RGL1: variants seen among roughly 807,000 people sequenced by gnomAD.
RGL1 encodes ral guanine nucleotide dissociation stimulator-like 1.
RGL1 carries 24 observed loss-of-function variants against 95.2 expected under a neutral mutation model. The ratio of observed to expected loss-of-function variants is 0.25; its 90% CI spans 0.18 to 0.35. The LOEUF (loss-of-function observed/expected upper bound fraction) is 0.35. RGL1 is among the 10% of genes least tolerant of loss of function. The pLI is 1.00. For synonymous variants in RGL1, 329 were observed against 344.9 expected (o/e 0.95, Z 0.51); for missense variants, 715 against 936.3 (o/e 0.76, Z 3.08).
At chr1:183,700,805 A>G (rs1654549295) in intron 1 of RGL1, among the ~76,000 whole-genome samples, 1 of 152,018 alleles carries the variant, frequency 6.6e-6, no homozygotes, top group Non-Finnish European at 1.5e-5. Flanking sequence ...CGGCCTTCCA[A>G]AGTGCTGGGA....
intron 12 of RGL1, 78 bp downstream of exon 12, chr1:183,902,678 T>A: frequency 7.0e-7 from 1 of 1,421,956 alleles, no homozygotes; most frequent in Non-Finnish European, 9.7e-7. Context: ...AGTTTTTTTG[T>A]AGAGGCAGAA....
intron 1 of RGL1, among the ~76,000 whole-genome samples, chr1:183,639,687 A>G (rs1649784944): frequency 7.3e-6 from 1 of 136,356 alleles, no homozygotes; most frequent in South Asian, 2.3e-4. Context: ...TTATCAACTA[A>G]AAACCTGTAA....
intron 2 of RGL1, among the ~76,000 whole-genome samples, chr1:183,796,278 C>T (rs1660699324): frequency 6.6e-6 from 1 of 151,540 alleles, no homozygotes; most frequent in Admixed American, 6.6e-5. Context: ...AATTCTCCTG[C>T]CCCAGCTTCC....
chr1:183,827,856 A>G (rs1245120658), intron 2 of RGL1, among the ~76,000 whole-genome samples: 1 of 152,192 alleles, frequency 6.6e-6, no homozygotes, highest in African/African-American at 2.4e-5. Flanking sequence ...AAGTGTCCCC[A>G]CTTTAATTAG....
intron 3 of RGL1, among the ~76,000 whole-genome samples, chr1:183,850,999 T>C (rs1664793754): frequency 1.3e-5 from 2 of 152,222 alleles, no homozygotes; most frequent in Admixed American, 6.5e-5. Flanking sequence ...CTGGAGTGTT[T>C]AGTCTATGAC....
chr1:183,842,850 C>T (rs1192489420), intron 2 of RGL1, among the ~76,000 whole-genome samples: 1 of 152,170 alleles, frequency 6.6e-6, no homozygotes, highest in East Asian at 1.9e-4. Flanking sequence ...AAAACAGGTC[C>T]TAAAGTCTCT....
chr1:183,913,917 A>G (rs1668810207), intron 15 of RGL1, among the ~76,000 whole-genome samples: 1 of 152,224 alleles, frequency 6.6e-6, no homozygotes, highest in Non-Finnish European at 1.5e-5. Context: ...TGCTCTAAAT[A>G]TTGAAAGAAA....
chr1:183,926,360 G>A lies in RGL1; in HGVS notation c.*68G>A, dbSNP rs1669617023. The A allele has an allele frequency of 3.7e-6, 5 of 1,339,686 alleles. No individual in the cohort carries two copies. Among genetic ancestry groups the A allele is most frequent in the Non-Finnish European group, 4.1e-6 (4 of 974,452 alleles). The allele number at this position is 1,339,686 out of a possible 1,614,324, so 83.0% of individuals were successfully genotyped here. A position where few individuals can be genotyped will look rare whatever the true frequency, so the allele number is the denominator to read the frequency against. On this transcript the variant is annotated 3_prime_UTR_variant, in exon 18 of 18. Transcript: ENST00000360851. ...GGCTGAGAAACAGGCTGCGGTGATT[G>A]CAATTACCATCCGGTGTTCGAGGAT...
chr1:183,835,168 G>C (rs1313757721), intron 2 of RGL1, among the ~76,000 whole-genome samples: 1 of 151,000 alleles, frequency 6.6e-6, no homozygotes, highest in East Asian at 1.9e-4. Flanking sequence ...TGTTCATTTG[G>C]ACAAATTGGA....
chr1:183,687,288 C>T (rs965037303), intron 1 of RGL1, among the ~76,000 whole-genome samples: 8 of 152,178 alleles, frequency 5.3e-5, no homozygotes, highest in African/African-American at 1.9e-4. Flanking sequence ...TCCCCAAGAC[C>T]TAGAACACTG....
At chr1:183,703,318 C>T (rs1488076131) in intron 1 of RGL1, among the ~76,000 whole-genome samples, 1 of 152,206 alleles carries the variant, frequency 6.6e-6, no homozygotes, top group East Asian at 1.9e-4. Context: ...TGGTATTCAT[C>T]ATGTCGTTGC....
At chr1:183,675,656 G>C (rs939252286) in intron 1 of RGL1, among the ~76,000 whole-genome samples, 1 of 152,114 alleles carries the variant, frequency 6.6e-6, no homozygotes, top group Non-Finnish European at 1.5e-5. Flanking sequence ...GTGTCCTGCA[G>C]TATCCCTTAC....
chr1:183,926,498 T>C lies in RGL1; in HGVS notation c.*206T>C. The C allele has an allele frequency of 7.2e-6, 3 of 415,818 alleles. No individual in the cohort carries two copies. Among genetic ancestry groups the C allele is most frequent in the Middle Eastern group, 6.3e-4 (1 of 1,590 alleles). 25.8% of individuals were successfully genotyped at this position (415,818 alleles called of 1,614,324 possible). A position where few individuals can be genotyped will look rare whatever the true frequency, so the allele number is the denominator to read the frequency against. On this transcript the variant is annotated 3_prime_UTR_variant, in exon 18 of 18. Coordinates refer to ENST00000360851, the MANE Select transcript of RGL1 (RefSeq NM_001297671.3). ...GACATGAAAAGGATGAACGATTCACTGATTCTCTTTGACTCATTTGAGACT... is the reference window on the plus strand; with the variant it reads ...GACATGAAAAGGATGAACGATTCACCGATTCTCTTTGACTCATTTGAGACT...
At chr1:183,820,992 G>A (rs887260002) in intron 2 of RGL1, among the ~76,000 whole-genome samples, 2 of 152,006 alleles carry the variant, frequency 1.3e-5, no homozygotes, top group African/African-American at 2.4e-5. Context: ...AATTAGCTGG[G>A]CGTGGTGGTG....
At chr1:183,789,792 C>T (rs982088675) in intron 2 of RGL1, among the ~76,000 whole-genome samples, 2 of 151,858 alleles carry the variant, frequency 1.3e-5, no homozygotes, top group African/African-American at 4.8e-5. Flanking sequence ...GATAGGCAGT[C>T]ATGGACAGGT....
intron 1 of RGL1, among the ~76,000 whole-genome samples, chr1:183,676,733 C>G (rs1652850510): frequency 7.1e-6 from 1 of 141,838 alleles, no homozygotes; most frequent in African/African-American, 2.6e-5. Flanking sequence ...ATGAAATACA[C>G]AGCCCAGGGG....
At chr1:183,708,540 G>T (rs1158225024) in intron 1 of RGL1, among the ~76,000 whole-genome samples, 1 of 152,144 alleles carries the variant, frequency 6.6e-6, no homozygotes, top group African/African-American at 2.4e-5. Flanking sequence ...CCTAGCTCAG[G>T]CGCATGCTGA....
intron 4 of RGL1, among the ~76,000 whole-genome samples, chr1:183,878,209 T>G (rs978601928): frequency 6.6e-6 from 1 of 152,076 alleles, no homozygotes; most frequent in Non-Finnish European, 1.5e-5. Context: ...TCTATCTTTT[T>G]TTTTGGAGAT....
intron 14 of RGL1, 127 bp from the exon 15 acceptor site, chr1:183,911,954 TA>T: frequency 2.6e-6 from 2 of 774,804 alleles, no homozygotes; most frequent in African/African-American, 1.8e-5. Context: ...AATGTCCTCC[TA>T]AAATAATAAT....
Sources: gnomAD v4.1 joint callset for allele counts (sites outside exome capture counted in the v4.1 genomes callset) on GRCh38, gnomAD v4.1.1 for gene constraint, MANE v1.5 for transcripts, NCBI Gene and HGNC (gene_info 2026-07-23, HGNC 2026-07-21) for gene names.